Variants in PAQR5 observed in about 807,000 individuals in gnomAD.
PAQR5 encodes the protein membrane progestin receptor gamma.
PAQR5 carries 20 observed loss-of-function variants against 34.5 expected under a neutral mutation model. The observed-to-expected ratio is 0.58, with a 90% confidence interval of 0.41 to 0.84. The LOEUF is 0.84. PAQR5 is among the 40% of genes least tolerant of loss of function. The probability of loss-of-function intolerance (pLI) is 0.00; values close to 1 mark genes in which losing one functional copy is unlikely to be tolerated. For synonymous variants in PAQR5, 131 were observed against 155.6 expected, an observed-to-expected ratio of 0.84 and a Z score of 1.18; for missense variants, 378 against 412.7, an observed-to-expected ratio of 0.92 and a Z score of 0.73.
chr15:69,389,623 T>C (rs767500665), intron 5 of PAQR5, 31 bp from the exon 6 acceptor site: 2 of 1,613,722 alleles, frequency 1.2e-6, no homozygotes, highest in South Asian at 2.2e-5. Flanking sequence ...AAGGCCTGGC[T>C]CCTCTCCCAA....
intron 1 of PAQR5, among the ~76,000 whole-genome samples, chr15:69,329,599 C>T (rs2054334480): frequency 6.6e-6 from 1 of 151,040 alleles, no homozygotes; most frequent in South Asian, 2.1e-4. Flanking sequence ...ATTCTTGTGC[C>T]TCAGTTTCCT....
intron 1 of PAQR5, among the ~76,000 whole-genome samples, chr15:69,300,427 A>G (rs533890394): frequency 3.5e-4 from 54 of 152,200 alleles, no homozygotes; most frequent in Non-Finnish European, 7.4e-4. Context: ...TGCCCTTGGC[A>G]AGCAGAAAGG....
intron 1 of PAQR5, among the ~76,000 whole-genome samples, chr15:69,303,390 A>C (rs1424065805): frequency 2.0e-5 from 3 of 152,120 alleles, no homozygotes; most frequent in Non-Finnish European, 4.4e-5. Context: ...CAGCCGCCAC[A>C]TGAGGCGATT....
intron 1 of PAQR5, among the ~76,000 whole-genome samples, chr15:69,335,652 C>A (rs1595867630): frequency 1.4e-5 from 2 of 145,874 alleles, no homozygotes; most frequent in South Asian, 2.2e-4. Flanking sequence ...CAGGTTCAAG[C>A]CATTCTCCTT....
At chr15:69,357,703 C>T (rs1306166695) in intron 2 of PAQR5, among the ~76,000 whole-genome samples, 3 of 152,128 alleles carry the variant, frequency 2.0e-5, no homozygotes, top group Non-Finnish European at 4.4e-5. Flanking sequence ...AAGAAAGAAG[C>T]ATATTTACGA....
chr15:69,343,607 T>C (rs980971325), intron 2 of PAQR5, among the ~76,000 whole-genome samples: 2 of 152,224 alleles, frequency 1.3e-5, no homozygotes, highest in African/African-American at 4.8e-5. Context: ...TCACAATAAC[T>C]GTCTTTCATC....
At position 69,304,382 on chromosome 15, in the gene PAQR5, G is replaced by C. The variant is rs149019589; in HGVS notation, c.-277+5326G>C. 4.2e-4 allele frequency among the ~76,000 whole-genome samples: 64 copies of C among 152,360 alleles called. No homozygotes were observed. In the East Asian group the frequency reaches 0.011, roughly 27 times the overall value. On this transcript the variant is annotated intron_variant, in intron 1 of 8. Transcript: ENST00000395407. ...ATAATGGGATTGCACCGTCAGCTCT[G>C]ATGCCCTGGTGTCTGGCCCACAGTT... is the stretch of plus-strand genomic sequence containing the variant.
At chr15:69,375,565 A>G (rs2055683983) in intron 3 of PAQR5, among the ~76,000 whole-genome samples, 1 of 152,210 alleles carries the variant, frequency 6.6e-6, no homozygotes. Context: ...TAAGGGTTTT[A>G]TCTCTCGACA....
At chr15:69,305,778 G>A (rs2053702940) in intron 1 of PAQR5, among the ~76,000 whole-genome samples, 1 of 152,130 alleles carries the variant, frequency 6.6e-6, no homozygotes, top group Admixed American at 6.5e-5. Flanking sequence ...CCTACCCTGG[G>A]TTTTATTTTG....
rs189525784 is a variant in PAQR5 at position 69,360,119 on chromosome 15, C to T, written c.39C>T (p.Asp13=). The T allele has an allele frequency of 4.7e-5, 75 of 1,612,672 alleles. No individual in the cohort carries two copies. The East Asian group carries it at 1.2e-3, about 26-fold the overall frequency. The change falls in exon 3 of 9, where the codon GAC becomes GAT. Residue 13 remains aspartate, a synonymous_variant. Coordinates refer to ENST00000395407, the MANE Select transcript of PAQR5 (RefSeq NM_017705.4). ...AGCTCCCCAGGCTGTTTAGCATAGACCAGATACCCCAGGTATGTGCTCTAT... is the reference window on the plus strand; with the variant it reads ...AGCTCCCCAGGCTGTTTAGCATAGATCAGATACCCCAGGTATGTGCTCTAT... The part of the protein sequence containing the change: ...SLKLPRLFSI[D]QIPQVFHEQG...
At chr15:69,338,279 A>G (rs1449727837) in intron 2 of PAQR5, among the ~76,000 whole-genome samples, 5 of 152,184 alleles carry the variant, frequency 3.3e-5, no homozygotes, top group African/African-American at 9.7e-5. Context: ...TACTGTTGTT[A>G]GCTGTTCTTG....
At chr15:69,398,522 C>T (rs971509101) in intron 7 of PAQR5, among the ~76,000 whole-genome samples, 2 of 152,258 alleles carry the variant, frequency 1.3e-5, no homozygotes, top group East Asian at 3.9e-4. Context: ...GAAGCTCCCT[C>T]CTAGAGGCAG....
intron 1 of PAQR5, among the ~76,000 whole-genome samples, chr15:69,308,385 G>A (rs28455885): frequency 0.024 from 3,721 of 152,252 alleles, 153 homozygotes; most frequent in African/African-American, 0.084. Flanking sequence ...AGTGTGTTAT[G>A]GAAATGTATC....
chr15:69,341,014 C>T (rs572062773), intron 2 of PAQR5, among the ~76,000 whole-genome samples: 2 of 152,008 alleles, frequency 1.3e-5, no homozygotes, highest in Admixed American at 6.5e-5. Context: ...GTAAAATATA[C>T]GTAACATAAA....
intron 2 of PAQR5, among the ~76,000 whole-genome samples, chr15:69,351,558 G>A (rs4461022): frequency 0.027 from 4,143 of 152,252 alleles, 124 homozygotes; most frequent in East Asian, 0.12. Context: ...CACCTTCACC[G>A]TCCTACCTCA....
intron 1 of PAQR5, among the ~76,000 whole-genome samples, chr15:69,313,469 C>T (rs1039979697): frequency 2.0e-5 from 3 of 152,156 alleles, no homozygotes; most frequent in Non-Finnish European, 4.4e-5. Flanking sequence ...CACTGCACTC[C>T]AGCCTGGGCA....
rs1258844487 is a variant in PAQR5 at position 69,339,177 on chromosome 15, A to ACC, written c.-116+1679_-116+1680dup. On this transcript the variant is annotated intron_variant, in intron 2 of 8. Coordinates refer to ENST00000395407, the MANE Select transcript of PAQR5 (RefSeq NM_017705.4). ...TCCTGGCCCACTGGCTACACCCCCC[A>ACC]CCCCGCCACCAAGTTATCCTTAAAA... Among the ~76,000 whole-genome samples, 25 of 97,284 alleles carry ACC rather than the reference A, an allele frequency of 2.6e-4. 2 individuals are homozygous for ACC. In the South Asian group the frequency reaches 5.2e-3, roughly 20 times the overall value. 63.8% of individuals were successfully genotyped at this position (97,284 alleles called of 152,430 possible). A position where few individuals can be genotyped will look rare whatever the true frequency, so the allele number is the denominator to read the frequency against.
At chr15:69,364,371 T>A (rs1031723521) in intron 3 of PAQR5, among the ~76,000 whole-genome samples, 1 of 150,612 alleles carries the variant, frequency 6.6e-6, no homozygotes, top group Non-Finnish European at 1.5e-5. Flanking sequence ...CACTTTGGGA[T>A]GCCGAGGTGG....
At chr15:69,389,267 C>G (rs533792396) in intron 5 of PAQR5, among the ~76,000 whole-genome samples, 27 of 152,356 alleles carry the variant, frequency 1.8e-4, no homozygotes, top group Non-Finnish European at 2.4e-4. Context: ...TGTCACTAAC[C>G]TGTCTGGGTT....
Sources: gnomAD v4.1 joint callset for allele counts (sites outside exome capture counted in the v4.1 genomes callset) on GRCh38, gnomAD v4.1.1 for gene constraint, MANE v1.5 for transcripts, NCBI Gene and HGNC (gene_info 2026-07-23, HGNC 2026-07-21) for gene names.